Variants in LSAMP observed in about 807,000 individuals in gnomAD.
LSAMP encodes the protein limbic system associated membrane protein.
Under a neutral mutation model 38.6 loss-of-function variants are expected in LSAMP, and 7 were observed. That is an observed-to-expected ratio of 0.18 (90% CI 0.10 to 0.34). The LOEUF (loss-of-function observed/expected upper bound fraction) is 0.34. Ranked by LOEUF, LSAMP falls within the 10% of genes least tolerant of loss-of-function variation. The pLI is 1.00. For missense variants in LSAMP, 313 were observed against 420.0 expected, an observed-to-expected ratio of 0.75 and a Z score of 2.23; for synonymous variants, 154 against 166.8, an observed-to-expected ratio of 0.92 and a Z score of 0.59.
chr3:116,255,929 G>T (rs953592352), intron 1 of LSAMP, among the ~76,000 whole-genome samples: 4 of 152,084 alleles, frequency 2.6e-5, no homozygotes, highest in African/African-American at 7.2e-5. Context: ...GTGACACATT[G>T]AATAATAATG....
chr3:116,290,734 AAATAATAATAATAATAATAAT>A (rs201227569), intron 1 of LSAMP, among the ~76,000 whole-genome samples: 12 of 140,504 alleles, frequency 8.5e-5, no homozygotes, highest in Non-Finnish European at 1.5e-4. Flanking sequence ...TGTCTCACAA[AAATAATAATAATAATAATAAT>A]AATAATAATA....
chr3:116,267,635 T>C (rs1315450822), intron 1 of LSAMP, among the ~76,000 whole-genome samples: 1 of 147,678 alleles, frequency 6.8e-6, no homozygotes. Flanking sequence ...AAACTGTCAC[T>C]GGAGCAGCCA....
At chr3:116,371,625 C>G (rs996978366) in intron 1 of LSAMP, among the ~76,000 whole-genome samples, 2 of 152,166 alleles carry the variant, frequency 1.3e-5, no homozygotes, top group Admixed American at 6.6e-5. Flanking sequence ...AGATCAAGAA[C>G]AAGGCAAGGG....
At position 116,019,501 on chromosome 3, in the gene LSAMP, G is replaced by A. The variant is rs1340023089; in HGVS notation, c.514+14C>T. ...AACAGCATGTGGCATATTGGAACCTGGAGTATTGCTTACCAGTTGGTGTAA... is the reference window on the plus strand; with the variant it reads ...AACAGCATGTGGCATATTGGAACCTAGAGTATTGCTTACCAGTTGGTGTAA... On this transcript the variant is annotated intron_variant, in intron 3 of 6. Coordinates refer to ENST00000490035, the MANE Select transcript of LSAMP (RefSeq NM_002338.5). 1.2e-6 allele frequency: 2 copies of A among 1,610,290 alleles called. No homozygotes were observed. The highest frequency in any genetic ancestry group is 2.2e-5 in the South Asian group (2 of 90,826).
At chr3:116,052,549 G>A (rs1333364846) in intron 2 of LSAMP, among the ~76,000 whole-genome samples, 1 of 152,116 alleles carries the variant, frequency 6.6e-6, no homozygotes, top group East Asian at 1.9e-4. Flanking sequence ...ATGCCTCTAG[G>A]TCTCTGGTAG....
chr3:116,382,398 G>T (rs145104251), intron 1 of LSAMP, among the ~76,000 whole-genome samples: 2 of 150,332 alleles, frequency 1.3e-5, no homozygotes, highest in Admixed American at 1.3e-4. Context: ...GCAAACTATC[G>T]CAAGGACAAA....
chr3:116,113,414 ATATATATTT>A (rs1708664613), intron 1 of LSAMP, among the ~76,000 whole-genome samples: 1 of 67,958 alleles, frequency 1.5e-5, no homozygotes, highest in African/African-American at 6.5e-5. Context: ...ATATATATAT[ATATATATTT>A]TTTTTTTTTT....
chr3:115,881,037 A>AAAATAAATAAATAAATAAATAAATAAAT (rs141822663), intron 3 of LSAMP, among the ~76,000 whole-genome samples: 24 of 142,938 alleles, frequency 1.7e-4, no homozygotes, highest in East Asian at 1.0e-3. Flanking sequence ...CTCTGTCTCA[A>AAAATAAATAAATAAATAAATAAATAAAT]AAATAAATAA....
intron 1 of LSAMP, among the ~76,000 whole-genome samples, chr3:116,155,243 A>G (rs1309951144): frequency 6.6e-6 from 1 of 151,672 alleles, no homozygotes; most frequent in African/African-American, 2.4e-5. Flanking sequence ...GTTTTTTTTG[A>G]GACAGAGTTT....
chr3:116,106,915 A>T (rs1708481100), intron 1 of LSAMP, among the ~76,000 whole-genome samples: 2 of 152,148 alleles, frequency 1.3e-5, no homozygotes. Context: ...GAGTAGTAGA[A>T]TAGCAGATAG....
chr3:116,434,418 T>C (rs1404090140), intron 1 of LSAMP, among the ~76,000 whole-genome samples: 2 of 152,212 alleles, frequency 1.3e-5, no homozygotes, highest in Non-Finnish European at 1.5e-5. Flanking sequence ...GTTTAAAGTA[T>C]TCAGAGAGGC....
chr3:116,327,979 T>C (rs186928012), intron 1 of LSAMP, among the ~76,000 whole-genome samples: 75 of 152,236 alleles, frequency 4.9e-4, no homozygotes, highest in Admixed American at 1.8e-3. Flanking sequence ...ATTCTGTTCC[T>C]TATTTCTGAG....
At chr3:116,436,147 C>A (rs2049347197) in intron 1 of LSAMP, among the ~76,000 whole-genome samples, 1 of 152,132 alleles carries the variant, frequency 6.6e-6, no homozygotes, top group African/African-American at 2.4e-5. Flanking sequence ...CCTGGGATAA[C>A]TGGCTAGAAT....
intron 3 of LSAMP, among the ~76,000 whole-genome samples, chr3:115,990,668 C>T (rs187907118): frequency 1.3e-3 from 203 of 152,132 alleles, no homozygotes; most frequent in African/African-American, 4.8e-3. Context: ...TGAATGATAT[C>T]GAAATATTTT....
intron 2 of LSAMP, among the ~76,000 whole-genome samples, chr3:116,039,722 C>G (rs983371862): frequency 1.3e-5 from 2 of 152,132 alleles, no homozygotes; most frequent in African/African-American, 2.4e-5. Flanking sequence ...TGGGGCATTA[C>G]AAAGAGAGGC....
At position 115,805,501 on chromosome 3, in the gene LSAMP, T is replaced by C. The variant is rs910578721; in HGVS notation, c.*4816A>G. ...CATAAACTAGTGATTTACATTGATT[T>C]ACACATGATTGGTGCCTAATTTATT... On this transcript the variant is annotated 3_prime_UTR_variant, in exon 7 of 7. Coordinates refer to ENST00000490035, the MANE Select transcript of LSAMP (RefSeq NM_002338.5). 1.3e-5 allele frequency: 2 copies of C among 152,222 alleles called. No homozygotes were observed. Among genetic ancestry groups the C allele is most frequent in the Non-Finnish European group, 2.9e-5 (2 of 68,028 alleles). The allele number at this position is 152,222 out of a possible 1,614,324, so 9.4% of individuals were successfully genotyped here.
intron 3 of LSAMP, among the ~76,000 whole-genome samples, chr3:115,877,890 C>A (rs774009804): frequency 1.2e-4 from 18 of 152,034 alleles, no homozygotes; most frequent in Non-Finnish European, 2.4e-4. Context: ...TTAGGTAGAT[C>A]ACAGGCTACT....
chr3:115,862,425 C>T (rs1935732833), intron 3 of LSAMP, among the ~76,000 whole-genome samples: 1 of 152,198 alleles, frequency 6.6e-6, no homozygotes, highest in Non-Finnish European at 1.5e-5. Context: ...CCGTCTAGCC[C>T]TTCACCCTTT....
chr3:115,930,567 A>G (rs1937565659), intron 3 of LSAMP, among the ~76,000 whole-genome samples: 1 of 152,146 alleles, frequency 6.6e-6, no homozygotes, highest in Non-Finnish European at 1.5e-5. Flanking sequence ...ATGGCTGAAG[A>G]AAATCCACTC....
Sources: gnomAD v4.1 joint callset for allele counts (sites outside exome capture counted in the v4.1 genomes callset) on GRCh38, gnomAD v4.1.1 for gene constraint, MANE v1.5 for transcripts, NCBI Gene and HGNC (gene_info 2026-07-23, HGNC 2026-07-21) for gene names.